The following VLDLR variants were observed in gnomAD, a reference collection of about 807,000 sequenced individuals.
VLDLR encodes very low density lipoprotein receptor, also known as very low-density lipoprotein receptor.
In VLDLR, 81 loss-of-function variants were observed where a neutral mutation model predicts 112.7. The ratio of observed to expected loss-of-function variants is 0.72; its 90% CI spans 0.60 to 0.86. VLDLR has a LOEUF of 0.86. Ranked by LOEUF, VLDLR falls within the 40% of genes least tolerant of loss-of-function variation. The pLI is 0.00. For synonymous variants in VLDLR, 436 were observed against 384.8 expected, an observed-to-expected ratio of 1.13 and a Z score of -1.56; for missense variants, 1,237 against 1,099.4, an observed-to-expected ratio of 1.13 and a Z score of -1.77.
At chr9:2,637,447 A>G (rs138343362) in intron 2 of VLDLR, among the ~76,000 whole-genome samples, 12 of 152,292 alleles carry the variant, frequency 7.9e-5, no homozygotes, top group African/African-American at 2.6e-4. Flanking sequence ...TGTAACTGCT[A>G]ATTCTCTTCC....
chr9:2,651,003 G>C (rs1818304288), intron 15 of VLDLR, among the ~76,000 whole-genome samples: 2 of 152,146 alleles, frequency 1.3e-5, no homozygotes, highest in African/African-American at 4.8e-5. Flanking sequence ...TGTATGGTGA[G>C]GCTGATGAGG....
chr9:2,646,995 C>G (rs1391239206), intron 11 of VLDLR, among the ~76,000 whole-genome samples: 2 of 152,132 alleles, frequency 1.3e-5, no homozygotes, highest in East Asian at 3.9e-4. Context: ...GAAAGTCCAG[C>G]AGAAATAAAC....
At position 2,648,705 on chromosome 9, in the gene VLDLR, G is replaced by C. The variant is rs1372423436; in HGVS notation, c.1999G>C (p.Val667Leu). Residue 667 changes from valine to leucine, a missense_variant, in exon 14 of 19, where the codon GTC becomes CTC. Physicochemically the swap from Val to Leu is conservative, Grantham distance 32. Transcript: ENST00000382100. ...CTGGATAGATGGGGAAAATGAAGCA[G>C]TCTATGGTGCCAATAAATTCACTGG... ...VYWIDGENEA[V>L]YGANKFTGSE... is the part of the protein sequence containing the mutation. 1.2e-6 allele frequency: 2 copies of C among 1,614,196 alleles called. No homozygotes were observed. Among genetic ancestry groups the C allele is most frequent in the South Asian group, 2.2e-5 (2 of 91,082 alleles).
chr9:2,642,722 C>A (rs1373584447), intron 4 of VLDLR, among the ~76,000 whole-genome samples: 3 of 152,132 alleles, frequency 2.0e-5, no homozygotes, highest in Admixed American at 6.5e-5. Context: ...ATGTGGTTCA[C>A]CTCTTTTGGT....
At chr9:2,629,095 T>G (rs927779731) in intron 1 of VLDLR, among the ~76,000 whole-genome samples, 2 of 152,238 alleles carry the variant, frequency 1.3e-5, no homozygotes, top group East Asian at 1.9e-4. Flanking sequence ...CATTGACTCA[T>G]TAGAAATGCA....
At chr9:2,634,173 C>G (rs1020083270) in intron 1 of VLDLR, among the ~76,000 whole-genome samples, 1 of 152,206 alleles carries the variant, frequency 6.6e-6, no homozygotes, top group South Asian at 2.1e-4. Context: ...TTTAATCTCC[C>G]TGGGAAGAGC....
intron 1 of VLDLR, among the ~76,000 whole-genome samples, chr9:2,628,179 C>A (rs1396432140): frequency 6.6e-6 from 1 of 152,186 alleles, no homozygotes; most frequent in African/African-American, 2.4e-5. Context: ...CTTAGGGGAT[C>A]TCTGTGTCTA....
rs760060855 is a variant in VLDLR at position 2,622,319 on chromosome 9, C to T, written c.82+48C>T. 4 of 1,415,708 alleles carry T rather than the reference C, an allele frequency of 2.8e-6. 1 individual carries two copies. The South Asian group carries it at 5.9e-5, about 21-fold the overall frequency. The allele number at this position is 1,415,708 out of a possible 1,614,324, so 87.7% of individuals were successfully genotyped here. A position where few individuals can be genotyped will look rare whatever the true frequency, so the allele number is the denominator to read the frequency against. The stretch of plus-strand genomic sequence containing the variant: ...GCCGGCGGGCGGGACCCAGCCGGGG[C>T]ACCGGGAGACCCCGAGGCGTAGGTC... On this transcript the variant is annotated intron_variant, in intron 1 of 18. Transcript: ENST00000382100.
chr9:2,655,185 C>G lies in VLDLR; in HGVS notation c.*1317C>G, dbSNP rs1479691327. 6.6e-6 allele frequency: 1 copy of G among 152,168 alleles called. No homozygotes were observed. Among genetic ancestry groups the G allele is most frequent in the African/African-American group, 2.4e-5 (1 of 41,420 alleles). The allele number at this position is 152,168 out of a possible 1,614,324, so 9.4% of individuals were successfully genotyped here. On this transcript the variant is annotated 3_prime_UTR_variant, in exon 19 of 19. Transcript: ENST00000382100. ...CATGAAGAATATAATTGCAATATCA[C>G]CTAAATTTTTATCCTGGCTGGGATG...
At chr9:2,629,819 G>A (rs1338166065) in intron 1 of VLDLR, among the ~76,000 whole-genome samples, 1 of 152,140 alleles carries the variant, frequency 6.6e-6, no homozygotes, top group African/African-American at 2.4e-5. Context: ...TTTTCGAGAT[G>A]GAGTTTCACT....
intron 9 of VLDLR, among the ~76,000 whole-genome samples, chr9:2,645,342 C>T (rs1818021598): frequency 6.6e-6 from 1 of 152,170 alleles, no homozygotes; most frequent in Non-Finnish European, 1.5e-5. Flanking sequence ...CCAACTCAAA[C>T]AAGTGACTTA....
At chr9:2,626,392 C>A (rs909523800) in intron 1 of VLDLR, among the ~76,000 whole-genome samples, 1 of 152,138 alleles carries the variant, frequency 6.6e-6, no homozygotes, top group Admixed American at 6.5e-5. Flanking sequence ...ATCATGTCAG[C>A]ACTCAAAGTT....
chr9:2,645,766 TG>T lies in VLDLR; in HGVS notation c.1484+23del, dbSNP rs568955387. The T allele has an allele frequency of 2.5e-4, 398 of 1,614,024 alleles. 2 individuals carry two copies. The African/African-American group carries it at 4.7e-3, about 19-fold the overall frequency. On this transcript the variant is annotated intron_variant, in intron 10 of 18. Coordinates refer to ENST00000382100, the MANE Select transcript of VLDLR (RefSeq NM_003383.5). ...TTCAGGTAACTTTCAGTTCCTTTTG[TG>T]GTGTCTTGACATAAGTCATTGTCAC... is the stretch of plus-strand genomic sequence containing the variant.
At chr9:2,638,118 C>T (rs899326017) in intron 2 of VLDLR, among the ~76,000 whole-genome samples, 1 of 152,156 alleles carries the variant, frequency 6.6e-6, no homozygotes, top group Admixed American at 6.5e-5. Flanking sequence ...GAACACAGAC[C>T]TTGAATAGCA....
intron 1 of VLDLR, among the ~76,000 whole-genome samples, chr9:2,630,227 A>C (rs1437832388): frequency 6.6e-6 from 1 of 152,182 alleles, no homozygotes; most frequent in Non-Finnish European, 1.5e-5. Context: ...CCCCTTAGGA[A>C]AACTTTTTTG....
intron 1 of VLDLR, among the ~76,000 whole-genome samples, chr9:2,623,654 G>C (rs964181325): frequency 6.6e-6 from 1 of 152,204 alleles, no homozygotes; most frequent in African/African-American, 2.4e-5. Context: ...TTAGCGGTGC[G>C]ATCACGTTTA....
Position 2,631,030 on chromosome 9 carries a change from G to C in VLDLR, c.83-4423G>C, listed in dbSNP as rs572206992. ...ACATGAATAGACATTTCTCAAAAGA[G>C]GACATAAAAATAACCAACAGATACA... is the stretch of plus-strand genomic sequence containing the variant. On this transcript the variant is annotated intron_variant, in intron 1 of 18. Coordinates refer to ENST00000382100, the MANE Select transcript of VLDLR (RefSeq NM_003383.5). 5.9e-5 allele frequency among the ~76,000 whole-genome samples: 9 copies of C among 152,062 alleles called. No homozygotes were observed. In the East Asian group the frequency reaches 1.5e-3, roughly 26 times the overall value.
In VLDLR at chr9:2,657,517, A is replaced by C. The variant is rs1187895946; in HGVS notation, c.*3649A>C. The C allele has an allele frequency of 2.0e-5, 3 of 152,220 alleles. No homozygotes were observed. The highest frequency in any genetic ancestry group is 2.9e-5 in the Non-Finnish European group (2 of 68,050). The allele number at this position is 152,220 out of a possible 1,614,324, so 9.4% of individuals were successfully genotyped here. On this transcript the variant is annotated 3_prime_UTR_variant, in exon 19 of 19. Coordinates refer to ENST00000382100, the MANE Select transcript of VLDLR (RefSeq NM_003383.5). ...AGCAACTAGCTAAAGAGTAGAAAGA[A>C]GCTTCCCTTATTGTGGGTGATGAGG...
At position 2,639,793 on chromosome 9, in the gene VLDLR, C is replaced by G. The variant is rs1349563809; in HGVS notation, c.203-66C>G. ...AAACATGCCAAAATGCAGTATGAGCCCTCATGTGAAGCTAGGGCTGTGGGT... is the reference window on the plus strand; with the variant it reads ...AAACATGCCAAAATGCAGTATGAGCGCTCATGTGAAGCTAGGGCTGTGGGT... On this transcript the variant is annotated intron_variant, in intron 2 of 18. Coordinates refer to ENST00000382100, the MANE Select transcript of VLDLR (RefSeq NM_003383.5). 3.1e-6 allele frequency: 5 copies of G among 1,613,086 alleles called. No individual in the cohort carries two copies. The Admixed American group carries it at 8.3e-5, about 27-fold the overall frequency.
Sources: gnomAD v4.1 joint callset for allele counts (sites outside exome capture counted in the v4.1 genomes callset) on GRCh38, gnomAD v4.1.1 for gene constraint, MANE v1.5 for transcripts, NCBI Gene and HGNC (gene_info 2026-07-23, HGNC 2026-07-21) for gene names.